Variants in TENM4 observed in about 807,000 individuals in gnomAD.
TENM4 encodes teneurin-4.
In TENM4, 82 loss-of-function variants were observed where a neutral mutation model predicts 243.3. The observed-to-expected ratio is 0.34, with a 90% CI of 0.28 to 0.40. The LOEUF (loss-of-function observed/expected upper bound fraction) is 0.40, where lower values mean the gene tolerates loss of function less well. TENM4 is among the 10% of genes least tolerant of loss of function. The pLI is 1.00. For missense variants in TENM4, 3,138 were observed against 3,673.3 expected, an observed-to-expected ratio of 0.85 and a Z score of 3.77; for synonymous variants, 1,412 against 1,456.3, an observed-to-expected ratio of 0.97 and a Z score of 0.69.
At chr11:79,229,203 C>G (rs2135256781) in intron 2 of TENM4, among the ~76,000 whole-genome samples, 1 of 152,342 alleles carries the variant, frequency 6.6e-6, no homozygotes, top group African/African-American at 2.4e-5. Context: ...TGTACTCCTA[C>G]TGGGCCCCTG....
At chr11:79,116,881 G>T (rs1400591833) in intron 4 of TENM4, among the ~76,000 whole-genome samples, 2 of 152,114 alleles carry the variant, frequency 1.3e-5, no homozygotes, top group South Asian at 2.1e-4. Flanking sequence ...AAAGAGAAAT[G>T]GGGGGAAAGG....
chr11:79,292,033 T>A (rs1027790412), intron 2 of TENM4, among the ~76,000 whole-genome samples: 4 of 152,212 alleles, frequency 2.6e-5, no homozygotes, highest in African/African-American at 9.6e-5. Flanking sequence ...CCAGCTCATA[T>A]GTGTCTCCCA....
intron 1 of TENM4, among the ~76,000 whole-genome samples, chr11:79,320,154 C>A (rs11605553): frequency 0.08 from 12,212 of 152,216 alleles, 591 homozygotes; most frequent in African/African-American, 0.11. Flanking sequence ...CTGAAAACAT[C>A]CCCAGGAGTG....
chr11:78,787,364 G>A (rs2136039637), intron 15 of TENM4, among the ~76,000 whole-genome samples: 1 of 152,300 alleles, frequency 6.6e-6, no homozygotes, highest in East Asian at 1.9e-4. Flanking sequence ...AAGGATTGTA[G>A]GGCTCTGCTC....
chr11:78,685,467 G>C (rs1489023206), intron 29 of TENM4, among the ~76,000 whole-genome samples: 1 of 152,186 alleles, frequency 6.6e-6, no homozygotes, highest in Non-Finnish European at 1.5e-5. Context: ...ATGTTTCCTG[G>C]ATTCCAAGAA....
At chr11:79,391,765 G>T (rs566166818) in intron 1 of TENM4, among the ~76,000 whole-genome samples, 2 of 152,242 alleles carry the variant, frequency 1.3e-5, no homozygotes, top group South Asian at 2.1e-4. Flanking sequence ...TACAGTATAT[G>T]CACCCTATTT....
chr11:79,398,305 A>AAGT (rs1323852834), intron 1 of TENM4, among the ~76,000 whole-genome samples: 1 of 151,902 alleles, frequency 6.6e-6, no homozygotes, highest in East Asian at 1.9e-4. Context: ...AGCAGCAGAC[A>AAGT]AGTAGGGGTG....
At chr11:79,171,774 T>C (rs1274333639) in intron 3 of TENM4, among the ~76,000 whole-genome samples, 1 of 152,246 alleles carries the variant, frequency 6.6e-6, no homozygotes, top group Non-Finnish European at 1.5e-5. Context: ...AGTCAGCTTT[T>C]GGACAAATCT....
chr11:78,968,387 C>T (rs1222925566), intron 6 of TENM4, among the ~76,000 whole-genome samples: 1 of 152,178 alleles, frequency 6.6e-6, no homozygotes, highest in Non-Finnish European at 1.5e-5. Flanking sequence ...TAGGCTCAAG[C>T]GATCCTCCCA....
At chr11:79,166,597 C>A (rs550152461) in intron 3 of TENM4, among the ~76,000 whole-genome samples, 9 of 152,140 alleles carry the variant, frequency 5.9e-5, no homozygotes, top group Non-Finnish European at 1.3e-4. Context: ...TTCATAAAAC[C>A]CTGTTATTTG....
chr11:79,108,872 G>C lies in TENM4; in HGVS notation c.-65-38863C>G, dbSNP rs572375559. Among the ~76,000 whole-genome samples, 5 of 152,168 alleles carry C rather than the reference G, an allele frequency of 3.3e-5. No individual in the cohort carries two copies. In the East Asian group the frequency reaches 7.7e-4, roughly 24 times the overall value. ...TGGGCTCCTGCCCAGTTCCCTGTCT[G>C]CTTTCCCTTCTCTTAGCCCCTTTCC... is the stretch of plus-strand genomic sequence containing the variant. On this transcript the variant is annotated intron_variant, in intron 4 of 33. Coordinates refer to ENST00000278550, the MANE Select transcript of TENM4 (RefSeq NM_001098816.3).
intron 1 of TENM4, among the ~76,000 whole-genome samples, chr11:79,334,830 T>G (rs1365330247): frequency 6.6e-6 from 1 of 152,170 alleles, no homozygotes; most frequent in Non-Finnish European, 1.5e-5. Flanking sequence ...AATTTCTTAT[T>G]CTATAACAGA....
chr11:78,778,780 C>T (rs1167809036), intron 16 of TENM4, among the ~76,000 whole-genome samples, 152 bp from the exon 17 acceptor site: 2 of 152,148 alleles, frequency 1.3e-5, no homozygotes, highest in Non-Finnish European at 1.5e-5. Context: ...AAACCAAAGA[C>T]AGGATGACAT....
chr11:79,157,232 C>T (rs1862641779), intron 3 of TENM4, among the ~76,000 whole-genome samples: 1 of 152,152 alleles, frequency 6.6e-6, no homozygotes, highest in Non-Finnish European at 1.5e-5. Flanking sequence ...CAAGCCATAA[C>T]TGAGGCTCTC....
At chr11:78,971,686 G>A (rs913615696) in intron 6 of TENM4, among the ~76,000 whole-genome samples, 2 of 152,080 alleles carry the variant, frequency 1.3e-5, no homozygotes, top group South Asian at 4.2e-4. Flanking sequence ...TTTCAATTGA[G>A]CAATTCCACT....
At chr11:79,125,113 G>A in intron 4 of TENM4, among the ~76,000 whole-genome samples, 1 of 151,888 alleles carries the variant, frequency 6.6e-6, no homozygotes, top group East Asian at 2.0e-4. Flanking sequence ...ATCCTGTGGA[G>A]AACACTGATA....
Position 78,688,179 on chromosome 11 carries a change from T to G in TENM4, c.5135A>C (p.Gln1712Pro). The part of the protein sequence containing the change: ...RLTNVTFPTG[Q>P]VSSFRSDTDS... Reference sequence around the variant, plus strand: ...TGTATCACTTCGGAAACTGCTCACCTGGCCAGTAGGGAAGGTCACATTTGT... The same window carrying G: ...TGTATCACTTCGGAAACTGCTCACCGGGCCAGTAGGGAAGGTCACATTTGT... The change falls in exon 29 of 34, where the codon CAG becomes CCG. Residue 1712 changes from glutamine (Q) to proline (P), a missense_variant. This residue lies in a region of TENM4 where 2,467 missense variants were observed against 3,059.1 expected (regional missense o/e 0.81). Transcript: ENST00000278550. The G allele has an allele frequency of 6.2e-7, 1 of 1,613,904 alleles. No homozygotes were observed.
At chr11:79,199,928 GC>G (rs1863706027) in intron 3 of TENM4, among the ~76,000 whole-genome samples, 2 of 152,186 alleles carry the variant, frequency 1.3e-5, no homozygotes, top group Admixed American at 1.3e-4. Context: ...TTGGCACCCA[GC>G]ATTCTCTGCC....
intron 1 of TENM4, among the ~76,000 whole-genome samples, chr11:79,408,051 C>T (rs952721003): frequency 4.1e-4 from 63 of 151,958 alleles, no homozygotes; most frequent in African/African-American, 1.4e-3. Context: ...TTACAGGCAC[C>T]GGTCACCACG....
Sources: allele counts gnomAD v4.1 joint callset (sites outside exome capture counted in the v4.1 genomes callset), GRCh38; gene constraint gnomAD v4.1.1; regional missense constraint gnomAD v4.1.1; transcripts MANE v1.5; gene names NCBI Gene and HGNC (gene_info 2026-07-23, HGNC 2026-07-21).